NUBPL: variants seen among roughly 807,000 people sequenced by gnomAD.
NUBPL encodes the protein iron-sulfur cluster transfer protein NUBPL.
In NUBPL, 31 loss-of-function variants were observed where a neutral mutation model predicts 45.7. The ratio of observed to expected loss-of-function variants is 0.68; its 90% CI spans 0.51 to 0.92. The LOEUF (loss-of-function observed/expected upper bound fraction) is 0.92. NUBPL is among the 40% of genes least tolerant of loss of function. NUBPL has a pLI of 0.00. For synonymous variants in NUBPL, 144 were observed against 140.9 expected (o/e 1.02, Z -0.15); for missense variants, 401 against 398.7 (o/e 1.01, Z -0.05).
chr14:31,716,191 G>C (rs115664311), intron 6 of NUBPL, among the ~76,000 whole-genome samples: 1 of 151,990 alleles, frequency 6.6e-6, no homozygotes, highest in South Asian at 2.1e-4. Context: ...GCCTTCTTCT[G>C]GAATACCTTT....
intron 8 of NUBPL, among the ~76,000 whole-genome samples, chr14:31,840,926 T>G (rs2040360891): frequency 6.6e-6 from 1 of 152,204 alleles, no homozygotes; most frequent in Non-Finnish European, 1.5e-5. Flanking sequence ...TTTGTGAAAT[T>G]TTTACAAACA....
intron 7 of NUBPL, among the ~76,000 whole-genome samples, chr14:31,816,017 C>T (rs186834655): frequency 3.3e-5 from 5 of 152,128 alleles, no homozygotes; most frequent in Admixed American, 2.0e-4. Flanking sequence ...TTGTCTCTGC[C>T]AGGTTTTGGT....
At chr14:31,561,616 G>C in intron 1 of NUBPL, 69 bp downstream of exon 1, 3 of 1,051,282 alleles carry the variant, frequency 2.9e-6, no homozygotes, top group Non-Finnish European at 3.8e-6. Flanking sequence ...CAGATGCCCT[G>C]GCATTGCTTC....
At chr14:31,677,731 A>G (rs1413902718) in intron 6 of NUBPL, among the ~76,000 whole-genome samples, 1 of 152,184 alleles carries the variant, frequency 6.6e-6, no homozygotes. Flanking sequence ...TGTGTCCTCT[A>G]CCACTGTGAC....
chr14:31,818,456 C>T (rs948778827), intron 7 of NUBPL, among the ~76,000 whole-genome samples: 1 of 152,186 alleles, frequency 6.6e-6, no homozygotes, highest in Non-Finnish European at 1.5e-5. Context: ...TCTTCTTCAT[C>T]AATTAGGATG....
intron 3 of NUBPL, among the ~76,000 whole-genome samples, chr14:31,589,182 G>T (rs958687310): frequency 6.6e-6 from 1 of 151,972 alleles, no homozygotes; most frequent in African/African-American, 2.4e-5. Flanking sequence ...CCTGGGCTTA[G>T]ATGCTAACAT....
chr14:31,833,616 T>G (rs1321641136), intron 8 of NUBPL, among the ~76,000 whole-genome samples: 2 of 152,222 alleles, frequency 1.3e-5, no homozygotes, highest in African/African-American at 4.8e-5. Flanking sequence ...CTTGCTCATG[T>G]AACAGTACCA....
intron 7 of NUBPL, among the ~76,000 whole-genome samples, chr14:31,789,387 C>T (rs1407675835): frequency 6.6e-6 from 1 of 151,634 alleles, no homozygotes; most frequent in Non-Finnish European, 1.5e-5. Context: ...TTGGTAAATA[C>T]AACTATGGGA....
chr14:31,729,282 C>G lies in NUBPL; in HGVS notation c.513+55708C>G, dbSNP rs3035688. Among the ~76,000 whole-genome samples, 6 of 115,664 alleles carry G rather than the reference C, an allele frequency of 5.2e-5. 1 individual carries two copies. The East Asian group carries it at 1.0e-3, about 20-fold the overall frequency. The allele number at this position is 115,664 out of a possible 152,430, so 75.9% of individuals were successfully genotyped here. On this transcript the variant is annotated intron_variant, in intron 6 of 10. Transcript: ENST00000281081. ...TGACAGAGAGATGCTCCATCCCCCC[C>G]CCCCCCAAAAAAAAAGTCATTCAAC...
At chr14:31,615,370 C>A (rs1201920452) in intron 4 of NUBPL, among the ~76,000 whole-genome samples, 1 of 151,988 alleles carries the variant, frequency 6.6e-6, no homozygotes, top group Non-Finnish European at 1.5e-5. Flanking sequence ...TAGGTATACA[C>A]GTGCCATGGT....
intron 4 of NUBPL, among the ~76,000 whole-genome samples, chr14:31,667,219 C>G (rs1314323987): frequency 6.6e-6 from 1 of 152,030 alleles, no homozygotes; most frequent in Admixed American, 6.6e-5. Flanking sequence ...TTCACATAGT[C>G]CCATATTTCT....
At chr14:31,699,101 T>A (rs1254089914) in intron 6 of NUBPL, among the ~76,000 whole-genome samples, 1 of 152,198 alleles carries the variant, frequency 6.6e-6, no homozygotes, top group East Asian at 1.9e-4. Flanking sequence ...GGAATCCACC[T>A]GCCTTGGCCT....
chr14:31,663,839 A>G lies in NUBPL; in HGVS notation c.383-9516A>G, dbSNP rs560095922. Among the ~76,000 whole-genome samples, 3 of 152,282 alleles carry G rather than the reference A, an allele frequency of 2.0e-5. No homozygotes were observed. The East Asian group carries it at 5.8e-4, about 29-fold the overall frequency. ...ATAAATTACTTTGGGCAGTATGGCCATTTTCACAATATTGAATGTTCCTAT... is the reference window on the plus strand; with the variant it reads ...ATAAATTACTTTGGGCAGTATGGCCGTTTTCACAATATTGAATGTTCCTAT... On this transcript the variant is annotated intron_variant, in intron 4 of 10. Coordinates refer to ENST00000281081, the MANE Select transcript of NUBPL (RefSeq NM_025152.3).
intron 4 of NUBPL, among the ~76,000 whole-genome samples, chr14:31,628,625 C>T (rs1470167965): frequency 6.6e-6 from 1 of 151,844 alleles, no homozygotes; most frequent in Non-Finnish European, 1.5e-5. Flanking sequence ...CTGAATAGCC[C>T]TTTTTTTTCT....
intron 4 of NUBPL, among the ~76,000 whole-genome samples, chr14:31,640,302 T>C (rs1048506172): frequency 6.6e-6 from 1 of 152,118 alleles, no homozygotes; most frequent in Non-Finnish European, 1.5e-5. Flanking sequence ...ACCATACTTA[T>C]GAGACTTAAG....
chr14:31,693,701 T>C (rs2037141678), intron 6 of NUBPL, among the ~76,000 whole-genome samples: 1 of 151,196 alleles, frequency 6.6e-6, no homozygotes, highest in African/African-American at 2.4e-5. Flanking sequence ...GCAGGCCTCA[T>C]ATTTTAAAAA....
At chr14:31,763,804 G>A (rs1224521127) in intron 6 of NUBPL, among the ~76,000 whole-genome samples, 7 of 152,136 alleles carry the variant, frequency 4.6e-5, no homozygotes, top group Admixed American at 2.6e-4. Context: ...CATTCGTCTT[G>A]TCAAAAATTA....
intron 6 of NUBPL, among the ~76,000 whole-genome samples, chr14:31,729,458 G>A (rs1247304808): frequency 2.6e-5 from 4 of 151,900 alleles, no homozygotes; most frequent in Non-Finnish European, 5.9e-5. Flanking sequence ...TATTCCAAAG[G>A]CTTACCCTTT....
rs189563232 is a variant in NUBPL at position 31,825,688 on chromosome 14, T to C, written c.608-941T>C. On this transcript the variant is annotated intron_variant, in intron 7 of 10. Coordinates refer to ENST00000281081, the MANE Select transcript of NUBPL (RefSeq NM_025152.3). Reference sequence around the variant, plus strand: ...TCCTTTTCTTTTTTTCTCTTTCTTTTGTTCTTTCTTCTTCATCTTCCTCTT... The same window carrying C: ...TCCTTTTCTTTTTTTCTCTTTCTTTCGTTCTTTCTTCTTCATCTTCCTCTT... Among the ~76,000 whole-genome samples the C allele has an allele frequency of 2.7e-3, 397 of 146,908 alleles. 3 individuals carry two copies. The highest frequency in any genetic ancestry group is 9.8e-3 in the African/African-American group (376 of 38,226).
Sources: allele counts gnomAD v4.1 joint callset (sites outside exome capture counted in the v4.1 genomes callset), GRCh38; gene constraint gnomAD v4.1.1; transcripts MANE v1.5; gene names NCBI Gene and HGNC (gene_info 2026-07-23, HGNC 2026-07-21).